The following ASXL3 variants were observed in gnomAD, a reference collection of about 807,000 sequenced individuals.
ASXL3 encodes ASXL transcriptional regulator 3.
ASXL3 carries 34 observed loss-of-function variants against 170.6 expected under a neutral mutation model. The ratio of observed to expected loss-of-function variants is 0.20; its 90% CI spans 0.15 to 0.27. ASXL3 has a LOEUF of 0.27. ASXL3 is among the 10% of genes least tolerant of loss of function. The pLI is 1.00. For synonymous variants in ASXL3, 1,002 were observed against 989.1 expected, an observed-to-expected ratio of 1.01 and a Z score of -0.24; for missense variants, 2,592 against 2,695.3, an observed-to-expected ratio of 0.96 and a Z score of 0.85.
chr18:33,671,722 A>G, intron 6 of ASXL3, 25 bp from the exon 7 acceptor site: 1 of 1,568,656 alleles, frequency 6.4e-7, no homozygotes, highest in Non-Finnish European at 8.7e-7. Flanking sequence ...GAAGATAATG[A>G]CATAATAACT....
intron 8 of ASXL3, among the ~76,000 whole-genome samples, chr18:33,694,285 A>G (rs1450218734): frequency 6.6e-6 from 1 of 152,176 alleles, no homozygotes; most frequent in Non-Finnish European, 1.5e-5. Context: ...CTCCTTGATT[A>G]TACATAGCGG....
In ASXL3 at chr18:33,750,039, A is replaced by C. The variant is rs2067859926; in HGVS notation, c.*3444A>C. The C allele has an allele frequency of 6.6e-6, 1 of 152,228 alleles. No homozygotes were observed. The highest frequency in any genetic ancestry group is 2.4e-5 in the African/African-American group (1 of 41,442). 9.4% of individuals were successfully genotyped at this position (152,228 alleles called of 1,614,324 possible). On this transcript the variant is annotated 3_prime_UTR_variant, in exon 12 of 12. Coordinates refer to ENST00000269197, the MANE Select transcript of ASXL3 (RefSeq NM_030632.3). Reference sequence around the variant, plus strand: ...GGTGTAATGAAGTCCCAGGTTTTAGAAGCTGAAGCCAAGCCTAGGGTAGCA... The same window carrying C: ...GGTGTAATGAAGTCCCAGGTTTTAGCAGCTGAAGCCAAGCCTAGGGTAGCA...
At chr18:33,700,109 G>A (rs895539212) in intron 8 of ASXL3, among the ~76,000 whole-genome samples, 11 of 152,068 alleles carry the variant, frequency 7.2e-5, no homozygotes, top group African/African-American at 2.7e-4. Context: ...GGGGTAACTG[G>A]AACAGCATGT....
At chr18:33,646,416 T>G (rs940502805) in intron 4 of ASXL3, 63 bp downstream of exon 4, 19 of 1,184,668 alleles carry the variant, frequency 1.6e-5, no homozygotes, top group Non-Finnish European at 2.2e-5. Flanking sequence ...AGAATGCCAA[T>G]GATTCATTAA....
chr18:33,591,487 A>G (rs1371521514), intron 1 of ASXL3, among the ~76,000 whole-genome samples: 2 of 152,128 alleles, frequency 1.3e-5, no homozygotes, highest in East Asian at 1.9e-4. Context: ...CCTTTCTCCA[A>G]TTTTTATTTC....
rs1275866474 is a variant in ASXL3, at chr18:33,633,047, C to G, written c.138-11847C>G. ...TCCTGCACACCACATTCAGTTCTGTCCATTTGTGCTTCCCTTGTGCTGCTC... is the reference window on the plus strand; with the variant it reads ...TCCTGCACACCACATTCAGTTCTGTGCATTTGTGCTTCCCTTGTGCTGCTC... On this transcript the variant is annotated intron_variant, in intron 2 of 11. Coordinates refer to ENST00000269197, the MANE Select transcript of ASXL3 (RefSeq NM_030632.3). 2.0e-5 allele frequency among the ~76,000 whole-genome samples: 3 copies of G among 152,216 alleles called. No homozygotes were observed. The East Asian group carries it at 5.8e-4, about 29-fold the overall frequency.
intron 2 of ASXL3, among the ~76,000 whole-genome samples, chr18:33,617,757 G>C (rs1036222630): frequency 3.3e-5 from 5 of 152,064 alleles, no homozygotes; most frequent in Non-Finnish European, 7.4e-5. Context: ...TCAAGATCTA[G>C]GTATAATTTA....
intron 7 of ASXL3, among the ~76,000 whole-genome samples, chr18:33,677,198 T>C (rs1054298354): frequency 1.3e-5 from 2 of 152,202 alleles, no homozygotes; most frequent in African/African-American, 2.4e-5. Context: ...TGAAGAATTA[T>C]AGCTTTGTTG....
Position 33,745,128 on chromosome 18 carries a change from G to A in ASXL3, c.5280G>A (p.Leu1760=). ...VTQLLQGNLP[L]EKVLPQPRLG... is the part of the protein sequence containing the mutation. ...AGTTACTACAGGGCAACCTGCCTTT[G>A]GAAAAAGTGTTGCCACAGCCCAGAT... The change falls in exon 12 of 12, where the codon TTG becomes TTA. Residue 1760 remains leucine (L), a synonymous_variant. Coordinates refer to ENST00000269197, the MANE Select transcript of ASXL3 (RefSeq NM_030632.3). The A allele has an allele frequency of 6.2e-7, 1 of 1,613,976 alleles. No individual in the cohort carries two copies. The highest frequency in any genetic ancestry group is 8.5e-7 in the Non-Finnish European group (1 of 1,179,892).
chr18:33,667,595 G>T (rs1034455453), intron 5 of ASXL3, among the ~76,000 whole-genome samples: 78 of 151,730 alleles, frequency 5.1e-4, no homozygotes, highest in African/African-American at 1.9e-3. Context: ...TTACTTATTG[G>T]AGACTCCACA....
chr18:33,630,314 A>G (rs1328975336), intron 2 of ASXL3, among the ~76,000 whole-genome samples: 1 of 151,442 alleles, frequency 6.6e-6, no homozygotes, highest in Non-Finnish European at 1.5e-5. Context: ...ACATATATAT[A>G]TTTCACACCA....
intron 1 of ASXL3, among the ~76,000 whole-genome samples, chr18:33,589,296 A>G (rs899866184): frequency 1.3e-5 from 2 of 152,232 alleles, no homozygotes; most frequent in African/African-American, 4.8e-5. Context: ...TGACGTTATA[A>G]GATGCCAGTT....
chr18:33,588,904 C>T (rs2065055593), intron 1 of ASXL3, among the ~76,000 whole-genome samples: 1 of 152,122 alleles, frequency 6.6e-6, no homozygotes, highest in African/African-American at 2.4e-5. Context: ...AGCCACAAAC[C>T]CTCTTGTCAG....
chr18:33,699,993 A>T (rs1282141554), intron 8 of ASXL3, among the ~76,000 whole-genome samples: 1 of 152,076 alleles, frequency 6.6e-6, no homozygotes, highest in Non-Finnish European at 1.5e-5. Flanking sequence ...TTATTTGTTC[A>T]GGAGAAATCC....
At chr18:33,582,311 T>TA (rs1338679974) in intron 1 of ASXL3, among the ~76,000 whole-genome samples, 1 of 152,190 alleles carries the variant, frequency 6.6e-6, no homozygotes, top group Non-Finnish European at 1.5e-5. Flanking sequence ...TGCTTCTTTG[T>TA]AAAAAATGGG....
At chr18:33,579,008 CCT>C (rs1568260564) in intron 1 of ASXL3, 1 of 170,492 alleles carries the variant, frequency 5.9e-6, no homozygotes, top group Non-Finnish European at 1.2e-5. Flanking sequence ...GCTCGACTTC[CCT>C]CTCTGCCGCT....
intron 6 of ASXL3, among the ~76,000 whole-genome samples, chr18:33,671,025 T>A (rs1281636570): frequency 2.0e-5 from 3 of 152,208 alleles, no homozygotes; most frequent in African/African-American, 7.2e-5. Flanking sequence ...CATTTGCTAA[T>A]GACAGTAGGT....
intron 3 of ASXL3, among the ~76,000 whole-genome samples, chr18:33,645,809 T>C (rs1313364675): frequency 6.6e-6 from 1 of 152,028 alleles, no homozygotes; most frequent in African/African-American, 2.4e-5. Flanking sequence ...CTTTAGCTAC[T>C]AAGCATCAGG....
intron 2 of ASXL3, among the ~76,000 whole-genome samples, chr18:33,643,636 GT>G (rs1456062376): frequency 6.6e-6 from 1 of 151,830 alleles, no homozygotes; most frequent in African/African-American, 2.4e-5. Flanking sequence ...TATTAAGTGT[GT>G]TCTGGCAATT....
Sources: gnomAD v4.1 joint callset for allele counts (sites outside exome capture counted in the v4.1 genomes callset) on GRCh38, gnomAD v4.1.1 for gene constraint, MANE v1.5 for transcripts, NCBI Gene and HGNC (gene_info 2026-07-23, HGNC 2026-07-21) for gene names.